The following PCDH15 variants were observed in gnomAD, a reference collection of about 807,000 sequenced individuals.
PCDH15 encodes protocadherin related 15, also known as protocadherin-15.
A neutral mutation model predicts 178.5 loss-of-function variants in PCDH15; 129 were observed. The observed-to-expected ratio is 0.72, with a 90% CI of 0.63 to 0.84. PCDH15 has a LOEUF of 0.84. Among genes scored for constraint, PCDH15 ranks in the 40% least tolerant of loss-of-function variants. The probability of loss-of-function intolerance (pLI) is 0.00; values close to 1 mark genes in which losing one functional copy is unlikely to be tolerated. For missense variants in PCDH15, 2,230 were observed against 2,099.9 expected, an observed-to-expected ratio of 1.06 and a Z score of -1.21; for synonymous variants, 800 against 732.0, an observed-to-expected ratio of 1.09 and a Z score of -1.50.
intron 2 of PCDH15, among the ~76,000 whole-genome samples, chr10:54,987,568 T>A (rs935820443): frequency 2.6e-5 from 4 of 152,176 alleles, no homozygotes; most frequent in African/African-American, 9.7e-5. Context: ...CTGACTGGAG[T>A]GTGATGGTAT....
rs749933010 is a variant in PCDH15, at chr10:55,521,183, C to T, written c.-156+106442G>A. Among the ~76,000 whole-genome samples the T allele has an allele frequency of 8.0e-4, 121 of 152,022 alleles. 1 individual carries two copies. Among genetic ancestry groups the T allele is most frequent in the Admixed American group, 2.0e-3 (31 of 15,190 alleles). On this transcript the variant is annotated intron_variant, in intron 2 of 5. Coordinates refer to the PCDH15 transcript ENST00000613346. ...GTGAGATCATATGGTATTTGTCTTT[C>T]TTTACCTGGCTTCGTTCACTTAGCA...
intron 16 of PCDH15, among the ~76,000 whole-genome samples, chr10:54,083,879 A>G (rs1458532494): frequency 6.6e-6 from 1 of 152,128 alleles, no homozygotes; most frequent in African/African-American, 2.4e-5. Context: ...TGGCATACTC[A>G]ATTATTATAG....
intron 2 of PCDH15, among the ~76,000 whole-genome samples, chr10:54,634,947 A>G (rs903391759): frequency 6.6e-6 from 1 of 151,720 alleles, no homozygotes; most frequent in African/African-American, 2.4e-5. Flanking sequence ...CTAAGTGTAC[A>G]CGGCCTCTTT....
intron 1 of PCDH15, among the ~76,000 whole-genome samples, chr10:55,296,144 C>T (rs558472795): frequency 1.3e-5 from 2 of 152,186 alleles, no homozygotes; most frequent in Non-Finnish European, 2.9e-5. Context: ...GGGTGTGGAG[C>T]TTCCATGGTT....
intron 2 of PCDH15, among the ~76,000 whole-genome samples, chr10:54,587,437 A>C (rs1396997602): frequency 6.6e-6 from 1 of 152,154 alleles, no homozygotes; most frequent in African/African-American, 2.4e-5. Flanking sequence ...AACTTAGTGC[A>C]GAGGAGCTTA....
chr10:55,416,186 G>T (rs12413480), intron 2 of PCDH15, among the ~76,000 whole-genome samples: 2,499 of 151,692 alleles, frequency 0.016, 109 homozygotes, highest in Admixed American at 0.082. Context: ...AAATTAATAG[G>T]TTTTATGCAA....
chr10:53,900,051 G>A (rs1309954759), intron 26 of PCDH15, among the ~76,000 whole-genome samples: 1 of 152,050 alleles, frequency 6.6e-6, no homozygotes, highest in Non-Finnish European at 1.5e-5. Flanking sequence ...TTCAGTGCTA[G>A]TCTTAAATTC....
chr10:54,688,522 T>A (rs1266650889), intron 1 of PCDH15, among the ~76,000 whole-genome samples: 2 of 152,128 alleles, frequency 1.3e-5, no homozygotes, highest in African/African-American at 2.4e-5. Flanking sequence ...TTAAGGCAAA[T>A]ACTGTATTGT....
intron 2 of PCDH15, among the ~76,000 whole-genome samples, chr10:54,566,437 T>C (rs1038777564): frequency 6.6e-6 from 1 of 152,150 alleles, no homozygotes; most frequent in African/African-American, 2.4e-5. Context: ...TCTATCATTA[T>C]AGTATCATAC....
At chr10:53,827,610 G>A in intron 31 of PCDH15, 62 bp from the exon 32 acceptor site, 1 of 1,595,404 alleles carries the variant, frequency 6.3e-7, no homozygotes, top group Non-Finnish European at 8.6e-7. Context: ...TTATCAATAA[G>A]CCACCTTTTA....
intron 10 of PCDH15, among the ~76,000 whole-genome samples, chr10:54,201,174 T>C (rs2050196230): frequency 6.6e-6 from 1 of 152,180 alleles, no homozygotes; most frequent in South Asian, 2.1e-4. Flanking sequence ...ACCACTTTTT[T>C]GAAAATTGAA....
At chr10:54,692,269 T>C (rs372940915) in intron 1 of PCDH15, among the ~76,000 whole-genome samples, 1 of 152,176 alleles carries the variant, frequency 6.6e-6, no homozygotes, top group Non-Finnish European at 1.5e-5. Flanking sequence ...GCTCACTATA[T>C]TCACTTTATG....
At chr10:53,984,148 CTTTTTTTTTTTT>C in intron 21 of PCDH15, among the ~76,000 whole-genome samples, 1 of 63,544 alleles carries the variant, frequency 1.6e-5, no homozygotes, top group East Asian at 4.2e-4. Context: ...TTTTTCTTTT[CTTTTTTTTTTTT>C]TTTTTTTGAG....
chr10:54,212,431 T>G (rs569503509), intron 10 of PCDH15, among the ~76,000 whole-genome samples: 1 of 152,144 alleles, frequency 6.6e-6, no homozygotes, highest in Non-Finnish European at 1.5e-5. Context: ...TGTTAACTGC[T>G]TGTAGCCTGT....
chr10:54,183,735 G>A (rs921899334), intron 12 of PCDH15, 142 bp from the exon 13 acceptor site: 11 of 869,658 alleles, frequency 1.3e-5, no homozygotes, highest in East Asian at 7.7e-5. Context: ...ATAAAAGGAC[G>A]TAATAGAGAC....
chr10:53,957,255 G>GC (rs1364833726), intron 23 of PCDH15, among the ~76,000 whole-genome samples: 1 of 151,156 alleles, frequency 6.6e-6, no homozygotes, highest in Non-Finnish European at 1.5e-5. Flanking sequence ...AACTGTGAGC[G>GC]TTTTTTTGGA....
At chr10:55,555,044 A>C (rs1018846538) in intron 2 of PCDH15, among the ~76,000 whole-genome samples, 20 of 152,094 alleles carry the variant, frequency 1.3e-4, no homozygotes, top group Non-Finnish European at 2.9e-4. Context: ...TTTGAAGAAA[A>C]TCAGTATTTC....
rs574698102 is a variant in PCDH15 at position 53,825,250 on chromosome 10, C to G, written c.4367+2143G>C. On this transcript the variant is annotated intron_variant, in intron 32 of 37. Transcript: ENST00000644397. The stretch of plus-strand genomic sequence containing the variant: ...AATATGAGCAGGAACTTGCTTTAAA[C>G]AAACACTTAGTACGTATATCAAAAA... 72 of 1,314,234 alleles carry G rather than the reference C, an allele frequency of 5.5e-5. No homozygotes were observed. In the South Asian group the frequency reaches 1.1e-3, roughly 20 times the overall value. The allele number at this position is 1,314,234 out of a possible 1,614,324, so 81.4% of individuals were successfully genotyped here.
intron 2 of PCDH15, among the ~76,000 whole-genome samples, chr10:55,513,583 TG>T (rs1258815107): frequency 1.3e-5 from 2 of 152,130 alleles, no homozygotes; most frequent in Non-Finnish European, 2.9e-5. Flanking sequence ...ATTTAATATT[TG>T]GGGTTTATAT....
Sources: gnomAD v4.1 joint callset for allele counts (sites outside exome capture counted in the v4.1 genomes callset) on GRCh38, gnomAD v4.1.1 for gene constraint, MANE v1.5 for transcripts, NCBI Gene and HGNC (gene_info 2026-07-23, HGNC 2026-07-21) for gene names.